The following PCDHGA1 variants were observed in gnomAD, a reference collection of about 807,000 sequenced individuals.
The protein encoded by PCDHGA1 is protocadherin gamma subfamily A, 1.
In PCDHGA1, 32 loss-of-function variants were observed where a neutral mutation model predicts 58.0. That is an observed-to-expected ratio of 0.55 (90% confidence interval 0.42 to 0.74). The LOEUF (loss-of-function observed/expected upper bound fraction) is 0.74, where lower values mean the gene tolerates loss of function less well. PCDHGA1 is among the 30% of genes least tolerant of loss of function. The pLI, the probability that PCDHGA1 is intolerant of heterozygous loss-of-function variation, is 0.00. For synonymous variants in PCDHGA1, 498 were observed against 501.1 expected (o/e 0.99, Z 0.08); for missense variants, 1,205 against 1,182.3 (o/e 1.02, Z -0.28).
chr5:141,356,762 A>T lies in PCDHGA1; in HGVS notation c.2421+23657A>T, dbSNP rs1431097659. 9 of 1,613,834 alleles carry T rather than the reference A, an allele frequency of 5.6e-6. No homozygotes were observed. The South Asian group carries it at 8.8e-5, about 16-fold the overall frequency. On this transcript the variant is annotated intron_variant, in intron 1 of 3. Transcript: ENST00000517417. ...ATCCTATATGCTCTTTGCTCCTTCG[A>T]CTATGAGCAGTTTAGAGACCTGCAG...
intron 3 of PCDHGA1, 67 bp from the exon 4 acceptor site, chr5:141,510,880 G>A (rs373993657): frequency 1.9e-6 from 3 of 1,611,784 alleles, no homozygotes; most frequent in Admixed American, 3.3e-5. Context: ...AACTGCTGGG[G>A]ATATAAGACA....
rs375307919 is a variant in PCDHGA1, at chr5:141,371,297, C to T, written c.2421+38192C>T. ...AGCTGGACAGTAAAACGGGGGAACT[C>T]ACCACTATTGGAGAACTGGACTTTG... On this transcript the variant is annotated intron_variant, in intron 1 of 3. Coordinates refer to ENST00000517417, the MANE Select transcript of PCDHGA1 (RefSeq NM_018912.3). 11 of 1,613,878 alleles carry T rather than the reference C, an allele frequency of 6.8e-6. No individual in the cohort carries two copies. The African/African-American group carries it at 1.5e-4, about 22-fold the overall frequency.
At chr5:141,374,728 GGATGGCGGCGACCCT>G (rs1422312768) in intron 1 of PCDHGA1, 1 of 1,610,428 alleles carries the variant, frequency 6.2e-7, no homozygotes, top group Admixed American at 1.7e-5. Context: ...TTACTGCCAT[GGATGGCGGCGACCCT>G]GTCCGCTCAA....
chr5:141,470,911 G>A (rs1208467445), intron 1 of PCDHGA1, among the ~76,000 whole-genome samples: 1 of 151,916 alleles, frequency 6.6e-6, no homozygotes, highest in Non-Finnish European at 1.5e-5. Context: ...AGATGGGACT[G>A]TCCCTATGTT....
intron 1 of PCDHGA1, chr5:141,361,702 G>A (rs999064726): frequency 1.2e-6 from 2 of 1,613,332 alleles, no homozygotes; most frequent in African/African-American, 1.3e-5. Flanking sequence ...CTTCGATCAT[G>A]AGCAGCTGCG....
chr5:141,340,931 C>T, intron 1 of PCDHGA1: 1 of 1,613,892 alleles, frequency 6.2e-7, no homozygotes, highest in East Asian at 2.2e-5. Flanking sequence ...CCAGCCCCCT[C>T]TCTCCGCCAC....
chr5:141,385,171 T>C, intron 1 of PCDHGA1: 1 of 1,614,170 alleles, frequency 6.2e-7, no homozygotes, highest in South Asian at 1.1e-5. Context: ...CCATGAGGTC[T>C]CCCTCACCGC....
intron 1 of PCDHGA1, chr5:141,392,860 T>A (rs726684): frequency 2.5e-6 from 4 of 1,612,016 alleles, no homozygotes; most frequent in Admixed American, 3.4e-5. Flanking sequence ...CTGATCCTGC[T>A]GTGCGCGCTG....
chr5:141,453,540 A>G (rs890130466), intron 1 of PCDHGA1, among the ~76,000 whole-genome samples: 2 of 152,058 alleles, frequency 1.3e-5, no homozygotes, highest in Non-Finnish European at 2.9e-5. Context: ...CCTCATTCAC[A>G]CCACACTCTG....
chr5:141,416,306 G>A (rs1186519939), intron 1 of PCDHGA1: 1 of 152,186 alleles, frequency 6.6e-6, no homozygotes, highest in Non-Finnish European at 1.5e-5. Flanking sequence ...CTATGTGGAA[G>A]ATATAGCATT....
At chr5:141,380,843 G>T (rs1262602096) in intron 1 of PCDHGA1, among the ~76,000 whole-genome samples, 2 of 152,142 alleles carry the variant, frequency 1.3e-5, no homozygotes, top group African/African-American at 4.8e-5. Flanking sequence ...AGGTAAAAAT[G>T]GATCAAGACA....
At chr5:141,383,580 C>A (rs935361844) in intron 1 of PCDHGA1, 1 of 1,613,642 alleles carries the variant, frequency 6.2e-7, no homozygotes, top group South Asian at 1.1e-5. Context: ...GCACCGCCCA[C>A]ATCCAGGTGA....
chr5:141,492,320 G>A (rs1001784912), intron 1 of PCDHGA1, among the ~76,000 whole-genome samples: 1 of 152,206 alleles, frequency 6.6e-6, no homozygotes. Flanking sequence ...CTCCTCGCAC[G>A]TGGGCTTACG....
intron 1 of PCDHGA1, chr5:141,361,170 T>C (rs1561522819): frequency 6.2e-7 from 1 of 1,613,976 alleles, no homozygotes; most frequent in Non-Finnish European, 8.5e-7. Flanking sequence ...ATTGTGCACC[T>C]GAAGTTATTG....
chr5:141,450,903 C>T (rs1468232105), intron 1 of PCDHGA1, among the ~76,000 whole-genome samples: 3 of 151,086 alleles, frequency 2.0e-5, no homozygotes, highest in African/African-American at 7.3e-5. Context: ...CGGCTCACTG[C>T]AACCGCTGCC....
rs1053018756 is a variant in PCDHGA1, at chr5:141,497,630, G to T, written c.2480+2765G>T. ...TCTTGGCTCACTGCAACCTCTGCCT[G>T]CCAGGTTCAAGCGATTCTCCTGCCT... is the stretch of plus-strand genomic sequence containing the variant. On this transcript the variant is annotated intron_variant, in intron 2 of 3. Coordinates refer to ENST00000517417, the MANE Select transcript of PCDHGA1 (RefSeq NM_018912.3). 3.3e-5 allele frequency among the ~76,000 whole-genome samples: 5 copies of T among 150,256 alleles called. No homozygotes were observed. The Admixed American group carries it at 3.3e-4, about 10-fold the overall frequency.
rs768342539 is a variant in PCDHGA1, at chr5:141,356,087, C to A, written c.2421+22982C>A. On this transcript the variant is annotated intron_variant, in intron 1 of 3. Coordinates refer to ENST00000517417, the MANE Select transcript of PCDHGA1 (RefSeq NM_018912.3). Reference sequence around the variant, plus strand: ...ATATCACAGCTATTTCAGTTGAATTCTCTGAGTGGGGATATAACAATATTG... The same window carrying A: ...ATATCACAGCTATTTCAGTTGAATTATCTGAGTGGGGATATAACAATATTG... 3.7e-6 allele frequency: 6 copies of A among 1,613,760 alleles called. No individual in the cohort carries two copies. The East Asian group carries it at 8.9e-5, about 24-fold the overall frequency.
Position 141,486,885 on chromosome 5 carries a change from G to A in PCDHGA1, c.2422-7922G>A, listed in dbSNP as rs139638334. On this transcript the variant is annotated intron_variant, in intron 1 of 3. Transcript: ENST00000517417. The surrounding 1 kb of genome is among the most constrained non-coding windows in gnomAD (Gnocchi z 5.0). ...CCAGCTGTGCTCCGTCCTCGGGCCC[G>A]GCCTGGTTCCTTATGTCCCCAAGCA... is the stretch of plus-strand genomic sequence containing the variant. 16 of 1,614,076 alleles carry A rather than the reference G, an allele frequency of 9.9e-6. No individual in the cohort carries two copies. The highest frequency in any genetic ancestry group is 1.6e-4 in the Middle Eastern group (1 of 6,084).
chr5:141,379,890 T>A (rs1002813574), intron 1 of PCDHGA1, among the ~76,000 whole-genome samples: 1 of 25,360 alleles, frequency 3.9e-5, no homozygotes, highest in East Asian at 2.2e-3. Context: ...TGAAAGCCTC[T>A]TTTTTTTTTT....
Sources: allele counts gnomAD v4.1 joint callset (sites outside exome capture counted in the v4.1 genomes callset), GRCh38; gene constraint gnomAD v4.1.1; non-coding constraint Gnocchi (gnomAD v3.1); transcripts MANE v1.5; gene names NCBI Gene and HGNC (gene_info 2026-07-23, HGNC 2026-07-21).